The following AMZ1 variants were observed in gnomAD, a reference collection of about 807,000 sequenced individuals.
AMZ1 encodes archaemetzincin-1.
In AMZ1, 39 loss-of-function variants were observed where a neutral mutation model predicts 29.9. That is an observed-to-expected ratio of 1.30 (90% confidence interval 1.01 to 1.70). AMZ1 has a LOEUF of 1.70. Among genes scored for constraint, AMZ1 ranks in the 40% most tolerant of loss-of-function variants. The pLI is 0.00. For synonymous variants in AMZ1, 458 were observed against 304.0 expected, an observed-to-expected ratio of 1.51 and a Z score of -5.27; for missense variants, 1,041 against 680.6, an observed-to-expected ratio of 1.53 and a Z score of -5.89.
chr7:2,713,451 C>T lies in AMZ1; in HGVS notation c.*573C>T, dbSNP rs73047342. 0.02 allele frequency: 3,054 copies of T among 152,764 alleles called. 52 individuals are homozygous for T. The highest frequency in any genetic ancestry group is 0.03 in the Middle Eastern group (9 of 296). The allele number at this position is 152,764 out of a possible 1,614,324, so 9.5% of individuals were successfully genotyped here. ...AGAGGCAGAAGGAAGCAGCGTGCGT[C>T]CTGTCTCCTTCCAGGCTGTGGGCCT... On this transcript the variant is annotated 3_prime_UTR_variant, in exon 7 of 7. Transcript: ENST00000683327.
At chr7:2,695,654 A>G (rs777393503) in intron 1 of AMZ1, among the ~76,000 whole-genome samples, 1 of 152,008 alleles carries the variant, frequency 6.6e-6, no homozygotes, top group Non-Finnish European at 1.5e-5. Context: ...TGGAGGCTGC[A>G]GTGAGCTGAG....
At chr7:2,696,406 G>A (rs74907451) in intron 1 of AMZ1, among the ~76,000 whole-genome samples, 56 of 150,636 alleles carry the variant, frequency 3.7e-4, no homozygotes, top group South Asian at 1.3e-3. Flanking sequence ...ACAGGCGCCC[G>A]CCACCACGCC....
At chr7:2,733,570 C>A (rs1790009235) in intron 4 of AMZ1, 2 of 1,242,424 alleles carry the variant, frequency 1.6e-6, no homozygotes, top group African/African-American at 1.5e-5. Flanking sequence ...AATACAAGAA[C>A]TGAACAGGGT....
Position 2,719,023 on chromosome 7 carries a change from TTCCC to T in AMZ1, c.*6146_*6149del, listed in dbSNP as rs779979624. On this transcript the variant is annotated 3_prime_UTR_variant, in exon 7 of 7. Transcript: ENST00000683327. ...GAACAGGCGACTTTTTTTTTTTTTT[TTCCC>T]CCCCATCTGAAGTGAGATCAAACTT... 3.0e-5 allele frequency among the ~76,000 whole-genome samples: 3 copies of T among 100,954 alleles called. No homozygotes were observed. The highest frequency in any genetic ancestry group is 1.3e-4 in the African/African-American group (3 of 23,922). The allele number at this position is 100,954 out of a possible 152,430, so 66.2% of individuals were successfully genotyped here.
intron 4 of AMZ1, among the ~76,000 whole-genome samples, chr7:2,736,611 A>G (rs1269997143): frequency 1.3e-5 from 2 of 152,168 alleles, no homozygotes; most frequent in Non-Finnish European, 2.9e-5. Context: ...GGCAGATGTG[A>G]TGTCGTGACA....
At chr7:2,709,555 T>C (rs1788615846) in intron 5 of AMZ1, 85 bp from the exon 6 acceptor site, 5 of 1,519,468 alleles carry the variant, frequency 3.3e-6, no homozygotes. Flanking sequence ...CAGGTCCTCA[T>C]TTTGGTCCTG....
chr7:2,735,255 G>A (rs895864993), intron 4 of AMZ1, among the ~76,000 whole-genome samples: 3 of 152,176 alleles, frequency 2.0e-5, no homozygotes, highest in Non-Finnish European at 2.9e-5. Context: ...CTGTGGCCAC[G>A]GGCTCCCCCA....
intron 3 of AMZ1, among the ~76,000 whole-genome samples, chr7:2,707,623 G>C (rs1173987325): frequency 2.0e-5 from 3 of 151,970 alleles, no homozygotes. Flanking sequence ...CAGTGCTGTG[G>C]GTCAGGAGCG....
intron 1 of AMZ1, among the ~76,000 whole-genome samples, chr7:2,688,716 A>G (rs1354962417): frequency 6.6e-6 from 1 of 152,006 alleles, no homozygotes; most frequent in African/African-American, 2.4e-5. Flanking sequence ...TCCCCGGGGA[A>G]CCTCCAGGGC....
chr7:2,726,019 C>G (rs558854793), intron 4 of AMZ1, among the ~76,000 whole-genome samples: 1 of 152,200 alleles, frequency 6.6e-6, no homozygotes, highest in African/African-American at 2.4e-5. Context: ...CATCTCTCCC[C>G]GGGGCTGCTG....
In AMZ1 at chr7:2,735,194, G is replaced by A. The variant is rs182566646; in HGVS notation, n.550+25378G>A. Reference sequence around the variant, plus strand: ...GCTCTCCTGCCCTCCCCTGGGCCTCGGGAGGTGCCACGCAAGCCCAAGAAG... The same window carrying A: ...GCTCTCCTGCCCTCCCCTGGGCCTCAGGAGGTGCCACGCAAGCCCAAGAAG... On this transcript the variant is annotated intron_variant and non_coding_transcript_variant, in intron 4 of 4. Coordinates refer to the AMZ1 transcript ENST00000489665. Among the ~76,000 whole-genome samples, 501 of 152,276 alleles carry A rather than the reference G, an allele frequency of 3.3e-3. 1 individual carries two copies. Among genetic ancestry groups the A allele is most frequent in the Admixed American group, 5.5e-3 (84 of 15,308 alleles).
chr7:2,729,484 C>G, intron 4 of AMZ1: 1 of 152,430 alleles, frequency 6.6e-6, no homozygotes, highest in Non-Finnish European at 1.5e-5. Flanking sequence ...TGACACACAG[C>G]CTCGAGCACT....
chr7:2,691,063 C>T (rs1222246057), intron 1 of AMZ1, among the ~76,000 whole-genome samples: 1 of 147,012 alleles, frequency 6.8e-6, no homozygotes, highest in African/African-American at 2.6e-5. Context: ...ATCGCTTGAA[C>T]CCTGGAGGAG....
rs927782527 is a variant in AMZ1 at position 2,718,475 on chromosome 7, A to G, written c.*5597A>G. Among the ~76,000 whole-genome samples, 4 of 152,286 alleles carry G rather than the reference A, an allele frequency of 2.6e-5. No individual in the cohort carries two copies. The highest frequency in any genetic ancestry group is 5.9e-5 in the Non-Finnish European group (4 of 68,008). On this transcript the variant is annotated 3_prime_UTR_variant, in exon 7 of 7. Coordinates refer to ENST00000683327, the MANE Select transcript of AMZ1 (RefSeq NM_001384743.1). ...AGTGGTCTGTGACCAGCGGGAATGA[A>G]TGGGGACGTGTTTTGTTCAGCCCTG...
Position 2,732,496 on chromosome 7 carries a change from C to T in AMZ1, n.550+22680C>T, listed in dbSNP as rs114233720. Among the ~76,000 whole-genome samples the T allele has an allele frequency of 9.3e-3, 1,409 of 152,200 alleles. 14 individuals are homozygous for T. The highest frequency in any genetic ancestry group is 0.032 in the African/African-American group (1,330 of 41,514). On this transcript the variant is annotated intron_variant and non_coding_transcript_variant, in intron 4 of 4. Coordinates refer to the AMZ1 transcript ENST00000489665. ...AGGAGGTTGAGGCTACAATGAGTTA[C>T]GATCGTGCCACTGTACTCCAGCCTG...
chr7:2,721,003 CACAGCATGTTTCCTGTGT>C (rs1789395814), downstream of AMZ1, among the ~76,000 whole-genome samples: 1 of 152,232 alleles, frequency 6.6e-6, no homozygotes, highest in Admixed American at 6.5e-5. Context: ...ATACGAATGT[CACAGCATGTTTCCTGTGT>C]GACCCTGCGG....
chr7:2,731,248 C>T lies in AMZ1; in HGVS notation n.550+21432C>T. ...GTCTTTCACAGCATGGAACACGAAG[C>T]GGACGTTCTCGGTGTCGATGGCGGT... On this transcript the variant is annotated intron_variant and non_coding_transcript_variant, in intron 4 of 4. Transcript: ENST00000489665. The surrounding 1 kb of genome is among the most constrained non-coding windows in gnomAD (Gnocchi z 6.0). 6.2e-7 allele frequency: 1 copy of T among 1,613,740 alleles called. No homozygotes were observed. Among genetic ancestry groups the T allele is most frequent in the Non-Finnish European group, 8.5e-7 (1 of 1,179,914 alleles).
At chr7:2,680,925 C>T (rs1275570521) in intron 1 of AMZ1, among the ~76,000 whole-genome samples, 1 of 152,122 alleles carries the variant, frequency 6.6e-6, no homozygotes, top group Non-Finnish European at 1.5e-5. Flanking sequence ...CTGGCCAAGT[C>T]ACCAGACACC....
chr7:2,748,917 T>C (rs377348858), intron 4 of AMZ1, among the ~76,000 whole-genome samples: 2 of 152,152 alleles, frequency 1.3e-5, no homozygotes, highest in Admixed American at 6.5e-5. Flanking sequence ...AAAATGCTCA[T>C]CATCACTGGC....
Sources: allele counts gnomAD v4.1 joint callset (sites outside exome capture counted in the v4.1 genomes callset), GRCh38; gene constraint gnomAD v4.1.1; non-coding constraint Gnocchi (gnomAD v3.1); transcripts MANE v1.5; gene names NCBI Gene and HGNC (gene_info 2026-07-23, HGNC 2026-07-21).